The following ZSCAN10 variants were observed in gnomAD, a reference collection of about 807,000 sequenced individuals.
ZSCAN10 encodes zinc finger and SCAN domain containing 10, also known as zinc finger and SCAN domain-containing protein 10.
ZSCAN10 carries 52 observed loss-of-function variants against 63.7 expected under a neutral mutation model. That is an observed-to-expected ratio of 0.82 (90% CI 0.65 to 1.03). The LOEUF is 1.03. ZSCAN10 is among the 50% of genes least tolerant of loss of function. The pLI, the probability that ZSCAN10 is intolerant of heterozygous loss-of-function variation, is 0.00. For synonymous variants in ZSCAN10, 544 were observed against 479.6 expected, an observed-to-expected ratio of 1.13 and a Z score of -1.76; for missense variants, 1,223 against 1,103.8, an observed-to-expected ratio of 1.11 and a Z score of -1.53.
intron 5 of ZSCAN10, 25 bp from the exon 6 acceptor site, chr16:3,090,671 C>A (rs1228251976): frequency 6.6e-7 from 1 of 1,508,916 alleles, no homozygotes; most frequent in East Asian, 2.3e-5. Flanking sequence ...AAAACAGGGA[C>A]GGTCAGGCCT....
chr16:3,094,439 G>A (rs1012826216), intron 1 of ZSCAN10, among the ~76,000 whole-genome samples: 8 of 152,186 alleles, frequency 5.3e-5, no homozygotes, highest in Admixed American at 6.5e-5. Context: ...TCCGCCTCGC[G>A]GGTTCCGGTG....
chr16:3,091,395 G>A, intron 5 of ZSCAN10, 145 bp downstream of exon 5: 2 of 855,128 alleles, frequency 2.3e-6, no homozygotes, highest in Non-Finnish European at 3.8e-6. Flanking sequence ...TGTAATCCTA[G>A]TACTTTGGGA....
In ZSCAN10 at chr16:3,090,436, T is replaced by C. The variant is rs917508173; in HGVS notation, c.998A>G (p.Lys333Arg). The C allele has an allele frequency of 2.5e-6, 4 of 1,613,924 alleles. No homozygotes were observed. The highest frequency in any genetic ancestry group is 4.5e-5 in the East Asian group (2 of 44,876). Residue 333 changes from lysine to arginine, a missense_variant, in exon 6 of 6, where the codon AAA becomes AGA. Transcript: ENST00000576985. Reference protein sequence around the residue: ...LLGSSEILEVKVAEGVPEPNP... With the variant: ...LLGSSEILEVRVAEGVPEPNP... ...GGGCTCGGGGACGCCCTCAGCCACT[T>C]TGACCTCCAAAATTTCACTGCTGCC... is the stretch of plus-strand genomic sequence containing the variant.
Position 3,089,535 on chromosome 16 carries a change from G to A in ZSCAN10, c.1899C>T (p.Pro633=). The A allele has an allele frequency of 6.2e-7, 1 of 1,602,800 alleles. No homozygotes were observed. Among genetic ancestry groups the A allele is most frequent in the Non-Finnish European group, 8.5e-7 (1 of 1,175,460 alleles). The change falls in exon 6 of 6, where the codon CCC becomes CCT. Residue 633 remains proline (P), a synonymous_variant. Transcript: ENST00000576985. ...RHQRSHTGEK[P]CRCSECGEGF... is the part of the protein sequence containing the mutation. ...CCTCACCGCACTCGCTGCAGCGGCA[G>A]GGCTTCTCGCCCGTGTGGCTGCGCT...
rs764799478 is a variant in ZSCAN10 at position 3,090,159 on chromosome 16, G to A, written c.1275C>T (p.Thr425=). The part of the protein sequence containing the change: ...QSSHLSKHLL[T]HSSEPAFLCA... ...ACAGGAAGGCGGGTTCGGAGGAGTG[G>A]GTCAGCAGGTGCTTGCTCAGGTGCG... Residue 425 remains threonine, a synonymous_variant, in exon 6 of 6, where the codon ACC becomes ACT. Coordinates refer to ENST00000576985, the MANE Select transcript of ZSCAN10 (RefSeq NM_032805.3). 8.5e-5 allele frequency: 136 copies of A among 1,602,568 alleles called. No homozygotes were observed. Among genetic ancestry groups the A allele is most frequent in the Non-Finnish European group, 1.5e-5 (18 of 1,178,082 alleles).
rs1375292280 is a variant in ZSCAN10, at chr16:3,092,557, G to A, written c.381C>T (p.Ser127=). 8.4e-6 allele frequency: 13 copies of A among 1,543,814 alleles called. No individual in the cohort carries two copies. Among genetic ancestry groups the A allele is most frequent in the Non-Finnish European group, 1.1e-5 (13 of 1,146,692 alleles). Residue 127 remains serine (S), a synonymous_variant, in exon 2 of 6, where the codon AGC becomes AGT. Coordinates refer to ENST00000576985, the MANE Select transcript of ZSCAN10 (RefSeq NM_032805.3). ...ACCCTCTCACCAGCGGCCCCGCGTG[G>A]CTGGGCTCCCGGTGGATGCCCTCGA... ...LLLEGIHREP[S]HAGPLDFSCN... is the part of the protein sequence containing the mutation.
chr16:3,089,878 C>A lies in ZSCAN10; in HGVS notation c.1556G>T (p.Arg519Leu). 6.5e-7 allele frequency: 1 copy of A among 1,536,716 alleles called. No homozygotes were observed. Among genetic ancestry groups the A allele is most frequent in the Non-Finnish European group, 8.7e-7 (1 of 1,146,362 alleles). Residue 519 changes from arginine (R) to leucine (L), a missense_variant, in exon 6 of 6, where the codon CGG becomes CTG. Arg to Leu is a moderately radical substitution (Grantham distance 102). Transcript: ENST00000576985. ...GSGSRRRDSD[R>L]RPFVCSDCGK... Reference sequence around the variant, plus strand: ...GCAGTCGCTGCACACGAAGGGCCTCCGGTCGGAGTCCCGGCGGCGGCTGCC... The same window carrying A: ...GCAGTCGCTGCACACGAAGGGCCTCAGGTCGGAGTCCCGGCGGCGGCTGCC...
At chr16:3,094,446 G>A (rs963017919) in intron 1 of ZSCAN10, among the ~76,000 whole-genome samples, 3 of 152,158 alleles carry the variant, frequency 2.0e-5, no homozygotes, top group Admixed American at 6.5e-5. Context: ...CGCGGGTTCC[G>A]GTGATTCTCG....
intron 1 of ZSCAN10, among the ~76,000 whole-genome samples, chr16:3,095,910 T>G (rs913376055): frequency 1.3e-5 from 2 of 151,692 alleles, no homozygotes; most frequent in Non-Finnish European, 2.9e-5. Context: ...GTGGGAAGAT[T>G]GCTTGATCCC....
Position 3,090,053 on chromosome 16 carries a change from G to A in ZSCAN10, c.1381C>T (p.Pro461Ser). Residue 461 changes from proline (P) to serine (S), a missense_variant, in exon 6 of 6, where the codon CCC becomes TCC. Pro to Ser is a moderately conservative substitution (Grantham distance 74). Transcript: ENST00000576985. ...LLAHAQDQKP[P>S]CAPESKAEAP... ...TCGGCCTTACTCTCAGGAGCGCAGG[G>A]CGGCTTCTGGTCCTGGGCGTGCGCC... is the stretch of plus-strand genomic sequence containing the variant. 1 of 1,603,528 alleles carries A rather than the reference G, an allele frequency of 6.2e-7. No homozygotes were observed. Among genetic ancestry groups the A allele is most frequent in the Non-Finnish European group, 8.5e-7 (1 of 1,178,178 alleles).
At chr16:3,094,294 G>A (rs1039722497) in intron 1 of ZSCAN10, among the ~76,000 whole-genome samples, 9 of 152,168 alleles carry the variant, frequency 5.9e-5, no homozygotes, top group East Asian at 1.9e-4. Context: ...AATTACAGGC[G>A]TGAGCCACTG....
intron 1 of ZSCAN10, among the ~76,000 whole-genome samples, chr16:3,093,680 TTTTTTTC>T: frequency 9.5e-6 from 1 of 104,852 alleles, no homozygotes; most frequent in Non-Finnish European, 1.9e-5. Flanking sequence ...TTAAAGCTTT[TTTTTTTC>T]TTTTTTTTTT....
At chr16:3,098,846 G>A (rs914285988) in intron 1 of ZSCAN10, among the ~76,000 whole-genome samples, 1 of 152,240 alleles carries the variant, frequency 6.6e-6, no homozygotes, top group Non-Finnish European at 1.5e-5. Context: ...TTTCTCCCTG[G>A]ACACAGTTGG....
intron 1 of ZSCAN10, among the ~76,000 whole-genome samples, chr16:3,097,674 G>A (rs1298867665): frequency 2.0e-5 from 3 of 152,198 alleles, no homozygotes; most frequent in Non-Finnish European, 4.4e-5. Flanking sequence ...CCACTAGGGC[G>A]ATGGAGTGCC....
chr16:3,090,267 G>T lies in ZSCAN10; in HGVS notation c.1167C>A (p.Ser389=). 1 of 1,608,798 alleles carries T rather than the reference G, an allele frequency of 6.2e-7. No homozygotes were observed. The change falls in exon 6 of 6, where the codon TCC becomes TCA. Residue 389 remains serine (S), a synonymous_variant. Transcript: ENST00000576985. ...GAGTGCGCATGTGCAGCTTGAGAATGGAGCTGCGGCCGAAGCTCTTCCCGC... is the reference window on the plus strand; with the variant it reads ...GAGTGCGCATGTGCAGCTTGAGAATTGAGCTGCGGCCGAAGCTCTTCCCGC... The part of the protein sequence containing the change: ...LCCGKSFGRS[S]ILKLHMRTHT...
chr16:3,090,792 G>T, intron 5 of ZSCAN10, 146 bp from the exon 6 acceptor site: 2 of 937,274 alleles, frequency 2.1e-6, no homozygotes, highest in Non-Finnish European at 2.9e-6. Flanking sequence ...GTTCACGCCT[G>T]TAATTTCAGC....
At chr16:3,093,146 A>C in intron 1 of ZSCAN10, 142 bp from the exon 2 acceptor site, 1 of 530,744 alleles carries the variant, frequency 1.9e-6, no homozygotes, top group Non-Finnish European at 2.9e-6. Context: ...AGGGCAGGAC[A>C]GCCCCCGGTC....
At chr16:3,097,079 A>G (rs1957161872) in intron 1 of ZSCAN10, among the ~76,000 whole-genome samples, 1 of 146,532 alleles carries the variant, frequency 6.8e-6, no homozygotes, top group Non-Finnish European at 1.5e-5. Flanking sequence ...CTTGGGCAAC[A>G]GAATGAGAAT....
chr16:3,092,991 C>T lies in ZSCAN10; in HGVS notation c.-54G>A. 2 of 1,391,458 alleles carry T rather than the reference C, an allele frequency of 1.4e-6. No individual in the cohort carries two copies. The highest frequency in any genetic ancestry group is 3.4e-5 in the South Asian group (2 of 59,472). The allele number at this position is 1,391,458 out of a possible 1,614,324, so 86.2% of individuals were successfully genotyped here. On this transcript the variant is annotated 5_prime_UTR_variant, in exon 2 of 6. Transcript: ENST00000576985. The stretch of plus-strand genomic sequence containing the variant: ...CCAGCCCCGCTCTTGGGTCTCTCTC[C>T]TCTCCTCCCACACCTGCGAAGGTGA...
Sources: gnomAD v4.1 joint callset for allele counts (sites outside exome capture counted in the v4.1 genomes callset) on GRCh38, gnomAD v4.1.1 for gene constraint, MANE v1.5 for transcripts, NCBI Gene and HGNC (gene_info 2026-07-23, HGNC 2026-07-21) for gene names.